RGS17: variants seen among roughly 807,000 people sequenced by gnomAD.
The protein encoded by RGS17 is regulator of G-protein signaling 17.
A neutral mutation model predicts 25.5 loss-of-function variants in RGS17; 12 were observed. The ratio of observed to expected loss-of-function variants is 0.47; its 90% CI spans 0.30 to 0.76. The LOEUF (loss-of-function observed/expected upper bound fraction) is 0.76. Among genes scored for constraint, RGS17 ranks in the 30% least tolerant of loss-of-function variants. RGS17 has a pLI of 0.07. For missense variants in RGS17, 196 were observed against 242.2 expected (o/e 0.81, Z 1.27); for synonymous variants, 71 against 76.9 (o/e 0.92, Z 0.40).
At chr6:153,118,294 T>A (rs1777571523) in intron 1 of RGS17, among the ~76,000 whole-genome samples, 1 of 152,202 alleles carries the variant, frequency 6.6e-6, no homozygotes, top group Non-Finnish European at 1.5e-5. Context: ...CTCATCTTAA[T>A]ATTGCACACT....
chr6:153,096,206 GAT>G (rs1777208627), intron 1 of RGS17, among the ~76,000 whole-genome samples: 1 of 28,006 alleles, frequency 3.6e-5, no homozygotes, highest in Non-Finnish European at 7.3e-5. Context: ...CCAGATGGAA[GAT>G]ACATCATCAT....
chr6:153,062,455 G>T (rs9397581), intron 1 of RGS17, among the ~76,000 whole-genome samples: 1 of 151,940 alleles, frequency 6.6e-6, no homozygotes, highest in Non-Finnish European at 1.5e-5. Context: ...CTAGCTGGAG[G>T]GGAATCACTA....
At chr6:153,022,702 A>G (rs1779258223) in intron 4 of RGS17, among the ~76,000 whole-genome samples, 2 of 152,204 alleles carry the variant, frequency 1.3e-5, no homozygotes, top group East Asian at 1.9e-4. Flanking sequence ...TGCTATGTGC[A>G]ATAACTTTAA....
At chr6:153,091,228 G>T (rs1355635260) in intron 1 of RGS17, among the ~76,000 whole-genome samples, 1 of 152,108 alleles carries the variant, frequency 6.6e-6, no homozygotes, top group East Asian at 1.9e-4. Flanking sequence ...ACATGTTGTT[G>T]CTGCCTAGGA....
At chr6:153,019,333 T>C (rs1779216072) in intron 4 of RGS17, among the ~76,000 whole-genome samples, 1 of 152,242 alleles carries the variant, frequency 6.6e-6, no homozygotes. Flanking sequence ...TATTGAAGGA[T>C]TTATAGTTAT....
intron 1 of RGS17, among the ~76,000 whole-genome samples, chr6:153,117,685 C>A (rs1308685647): frequency 6.6e-6 from 1 of 152,166 alleles, no homozygotes. Flanking sequence ...ATGTCCTTAT[C>A]ATAATTATCA....
chr6:153,074,118 T>C (rs1347307394), intron 1 of RGS17, among the ~76,000 whole-genome samples: 1 of 152,208 alleles, frequency 6.6e-6, no homozygotes, highest in Non-Finnish European at 1.5e-5. Context: ...AACAAGATTG[T>C]TTTCAGCGTT....
Position 153,063,360 on chromosome 6 carries a change from A to G in RGS17, c.-25-19317T>C, listed in dbSNP as rs149426440. Among the ~76,000 whole-genome samples the G allele has an allele frequency of 7.3e-3, 1,112 of 152,306 alleles. 12 individuals carry two copies. Among genetic ancestry groups the G allele is most frequent in the African/African-American group, 0.025 (1,059 of 41,570 alleles). ...ACACAGAGAAGGAATTCAGAATTCT[A>G]TCAGATAAATTTAACAAAGATAATG... On this transcript the variant is annotated intron_variant, in intron 1 of 4. Coordinates refer to ENST00000206262, the MANE Select transcript of RGS17 (RefSeq NM_012419.5).
intron 4 of RGS17, among the ~76,000 whole-genome samples, chr6:153,023,743 AG>A (rs1246091466): frequency 5.3e-5 from 8 of 152,168 alleles, no homozygotes; most frequent in African/African-American, 1.9e-4. Flanking sequence ...CAAACATGTC[AG>A]ATTTCTTTTT....
rs1427932339 is a variant in RGS17, at chr6:153,072,849, C to CG, written c.-25-28807_-25-28806insC. Reference sequence around the variant, plus strand: ...AGCAAGGGAGCCTATAAATTCAGCACTTAATACCTGTTCATGGTTTATCAC... The same window carrying CG: ...AGCAAGGGAGCCTATAAATTCAGCACGTTAATACCTGTTCATGGTTTATCAC... On this transcript the variant is annotated intron_variant, in intron 1 of 4. Coordinates refer to ENST00000206262, the MANE Select transcript of RGS17 (RefSeq NM_012419.5). 9.7e-5 allele frequency among the ~76,000 whole-genome samples: 3 copies of CG among 30,944 alleles called. No individual in the cohort carries two copies. In the African/African-American group the frequency reaches 1.3e-3, roughly 14 times the overall value. The allele number at this position is 30,944 out of a possible 152,430, so 20.3% of individuals were successfully genotyped here.
intron 2 of RGS17, among the ~76,000 whole-genome samples, chr6:153,042,156 C>T (rs1429354878): frequency 1.3e-5 from 2 of 152,168 alleles, no homozygotes; most frequent in South Asian, 2.1e-4. Flanking sequence ...AGGCATGACA[C>T]AGAAAAAGAT....
At chr6:153,124,235 A>G (rs564101985) in intron 1 of RGS17, among the ~76,000 whole-genome samples, 68 of 152,328 alleles carry the variant, frequency 4.5e-4, no homozygotes, top group African/African-American at 1.5e-3. Flanking sequence ...AGAAGCTTAT[A>G]TGTGAACTCC....
chr6:153,079,777 G>T (rs1776944862), intron 1 of RGS17, among the ~76,000 whole-genome samples: 2 of 151,884 alleles, frequency 1.3e-5, no homozygotes, highest in Non-Finnish European at 2.9e-5. Context: ...TTAATTTAAT[G>T]TTCATACAAG....
In RGS17 at chr6:153,043,853, G is replaced by C; in HGVS notation, c.119+47C>G. On this transcript the variant is annotated intron_variant, in intron 2 of 4. Coordinates refer to ENST00000206262, the MANE Select transcript of RGS17 (RefSeq NM_012419.5). ...AGATTTGGCATGCATGTTCACACTA[G>C]TGCCTGCCAAGCCTGGGTGTGGCAT... 3 of 1,186,988 alleles carry C rather than the reference G, an allele frequency of 2.5e-6. No homozygotes were observed. The South Asian group carries it at 3.9e-5, about 15-fold the overall frequency. The allele number at this position is 1,186,988 out of a possible 1,614,324, so 73.5% of individuals were successfully genotyped here. A position where few individuals can be genotyped will look rare whatever the true frequency, so the allele number is the denominator to read the frequency against.
At chr6:153,111,612 C>A (rs1460854177) in intron 1 of RGS17, among the ~76,000 whole-genome samples, 1 of 152,226 alleles carries the variant, frequency 6.6e-6, no homozygotes, top group Non-Finnish European at 1.5e-5. Context: ...ACTGCCTCCT[C>A]AAGTGGGTCC....
intron 2 of RGS17, among the ~76,000 whole-genome samples, chr6:153,033,569 T>C (rs895782049): frequency 1.3e-5 from 2 of 151,882 alleles, no homozygotes; most frequent in Non-Finnish European, 2.9e-5. Flanking sequence ...ATACAAAAAA[T>C]TAGTCAGGCA....
intron 2 of RGS17, among the ~76,000 whole-genome samples, chr6:153,043,219 T>C (rs1051497961): frequency 6.6e-6 from 1 of 151,958 alleles, no homozygotes; most frequent in African/African-American, 2.4e-5. Flanking sequence ...AAAGAGATTA[T>C]GAGTTTGCAT....
At chr6:153,107,075 G>A (rs1191315166) in intron 1 of RGS17, among the ~76,000 whole-genome samples, 1 of 151,434 alleles carries the variant, frequency 6.6e-6, no homozygotes, top group Non-Finnish European at 1.5e-5. Context: ...GCTCACGCCT[G>A]TAATCCCAGC....
At chr6:153,076,874 A>T (rs1217728775) in intron 1 of RGS17, among the ~76,000 whole-genome samples, 1 of 152,204 alleles carries the variant, frequency 6.6e-6, no homozygotes, top group Admixed American at 6.5e-5. Context: ...AAAATAATTG[A>T]TTTACTCAAT....
Sources: gnomAD v4.1 joint callset for allele counts (sites outside exome capture counted in the v4.1 genomes callset) on GRCh38, gnomAD v4.1.1 for gene constraint, MANE v1.5 for transcripts, NCBI Gene and HGNC (gene_info 2026-07-23, HGNC 2026-07-21) for gene names.